The following PRPF18 variants were observed in gnomAD, a reference collection of about 807,000 sequenced individuals.
The protein encoded by PRPF18 is pre-mRNA-splicing factor 18.
Under a neutral mutation model 46.5 loss-of-function variants are expected in PRPF18, and 38 were observed. The ratio of observed to expected loss-of-function variants is 0.82; its 90% confidence interval spans 0.63 to 1.07. PRPF18 has a LOEUF of 1.07. Ranked by LOEUF, PRPF18 falls within the 50% of genes least tolerant of loss-of-function variation. The pLI is 0.00. For missense variants in PRPF18, 263 were observed against 410.0 expected, an observed-to-expected ratio of 0.64 and a Z score of 3.10; for synonymous variants, 152 against 146.7, an observed-to-expected ratio of 1.04 and a Z score of -0.26.
chr10:13,650,347 TCTGGGAAGG>T, the PRPF18 span, among the ~76,000 whole-genome samples: 1 of 152,150 alleles, frequency 6.6e-6, no homozygotes, highest in African/African-American at 2.4e-5. Context: ...TCTTACCTGG[TCTGGGAAGG>T]TGCTGTTGCT....
At chr10:13,613,025 C>T (rs991273220) in intron 6 of PRPF18, among the ~76,000 whole-genome samples, 1 of 152,148 alleles carries the variant, frequency 6.6e-6, no homozygotes, top group African/African-American at 2.4e-5. Flanking sequence ...TATTATTCAT[C>T]AAGATTCTGA....
At chr10:13,610,000 T>C in intron 4 of PRPF18, 39 bp from the exon 5 acceptor site, 1 of 1,539,350 alleles carries the variant, frequency 6.5e-7, no homozygotes, top group Non-Finnish European at 8.9e-7. Context: ...GTGTTCTTCC[T>C]TTCATAACAG....
chr10:13,644,277 G>A, the PRPF18 span: 5 of 152,270 alleles, frequency 3.3e-5, no homozygotes, highest in African/African-American at 7.2e-5. Context: ...CAAGGACTTC[G>A]TATTTCACCT....
At chr10:13,649,575 T>G in the PRPF18 span, 4 of 139,318 alleles carry the variant, frequency 2.9e-5, no homozygotes, top group Non-Finnish European at 4.4e-5. Context: ...TAAAGATGTA[T>G]TTTTTCCAAA....
chr10:13,649,370 T>C, the PRPF18 span: 1 of 126,926 alleles, frequency 7.9e-6, no homozygotes, highest in African/African-American at 2.7e-5. Flanking sequence ...TGGCCCATGG[T>C]GTTCTCCTGT....
chr10:13,591,457 G>A, intron 1 of PRPF18: 1 of 597,368 alleles, frequency 1.7e-6, no homozygotes, highest in Non-Finnish European at 3.0e-6. Context: ...CTTAAGAAAT[G>A]TAGAACACCA....
At position 13,587,138 on chromosome 10, in the gene PRPF18, A is replaced by G; in HGVS notation, c.52A>G (p.Arg18Gly). 6.2e-7 allele frequency: 1 copy of G among 1,613,910 alleles called. No homozygotes were observed. ...ILRKRQLVED[R>G]NLLVENKKYF... ...TCGGAAGCGGCAGCTGGTGGAGGAC[A>G]GGAACCTGCTGGTGGTGAGGACCCT... The change falls in exon 1 of 10, where the codon AGG (arginine) becomes GGG (glycine). Residue 18 changes from arginine (R) to glycine (G), a missense_variant. Arg to Gly is a moderately radical substitution (Grantham distance 125). Coordinates refer to ENST00000378572, the MANE Select transcript of PRPF18 (RefSeq NM_003675.4).
chr10:13,635,381 A>C (rs994127744), downstream of PRPF18, among the ~76,000 whole-genome samples: 1 of 152,126 alleles, frequency 6.6e-6, no homozygotes, highest in South Asian at 2.1e-4. Flanking sequence ...TTTATAATAG[A>C]ATGATTTATA....
At chr10:13,621,027 G>A (rs1045611593) in intron 9 of PRPF18, among the ~76,000 whole-genome samples, 1 of 152,110 alleles carries the variant, frequency 6.6e-6, no homozygotes, top group African/African-American at 2.4e-5. Flanking sequence ...CCAGACTTTG[G>A]GTAAAGCTTC....
chr10:13,624,887 G>A (rs768928105), intron 9 of PRPF18, among the ~76,000 whole-genome samples: 13 of 152,170 alleles, frequency 8.5e-5, no homozygotes, highest in African/African-American at 2.2e-4. Context: ...TCTATAGTGC[G>A]TTACTCATCA....
In PRPF18 at chr10:13,622,302, C is replaced by T. The variant is rs61301406; in HGVS notation, c.948+5749C>T. 1.3e-3 allele frequency among the ~76,000 whole-genome samples: 203 copies of T among 152,296 alleles called. 3 individuals are homozygous for T. In the East Asian group the frequency reaches 0.034, roughly 25 times the overall value. On this transcript the variant is annotated intron_variant, in intron 9 of 9. Transcript: ENST00000378572. ...AGTAATACCTTTTAATGTCATAGAA[C>T]ACTAGCGTGTTTTGGAAACAGATTT...
At chr10:13,587,290 A>G (rs2079888100) in intron 1 of PRPF18, 138 bp downstream of exon 1, 1 of 886,552 alleles carries the variant, frequency 1.1e-6, no homozygotes, top group Admixed American at 1.9e-5. Context: ...TACCCCTGGT[A>G]GGCCCCCTTA....
At chr10:13,602,473 T>A in intron 3 of PRPF18, among the ~76,000 whole-genome samples, 1 of 151,882 alleles carries the variant, frequency 6.6e-6, no homozygotes, top group East Asian at 1.9e-4. Flanking sequence ...GCAGAAGTTT[T>A]ACATTTTTAT....
chr10:13,629,607 C>A (rs907020510), intron 9 of PRPF18, among the ~76,000 whole-genome samples: 1 of 152,156 alleles, frequency 6.6e-6, no homozygotes, highest in African/African-American at 2.4e-5. Context: ...CTAAGTAATA[C>A]ATTTTTTACT....
At chr10:13,587,268 G>T in intron 1 of PRPF18, 116 bp downstream of exon 1, 3 of 1,138,228 alleles carry the variant, frequency 2.6e-6, no homozygotes, top group Non-Finnish European at 3.9e-6. Flanking sequence ...GGCTTAGCGA[G>T]TGTCCTGCCA....
chr10:13,651,947 C>G, the PRPF18 span: 1 of 1,599,704 alleles, frequency 6.3e-7, no homozygotes, highest in South Asian at 1.1e-5. Flanking sequence ...CAGACCCATC[C>G]AGAATGGGTG....
chr10:13,633,964 G>C (rs896655860), downstream of PRPF18, among the ~76,000 whole-genome samples: 1 of 152,146 alleles, frequency 6.6e-6, no homozygotes, highest in Non-Finnish European at 1.5e-5. Flanking sequence ...TCCATTGGCT[G>C]AACTATAACC....
chr10:13,645,868 A>G, the PRPF18 span: 1 of 152,794 alleles, frequency 6.5e-6, no homozygotes, highest in East Asian at 1.9e-4. Context: ...GGTTTCCCAT[A>G]AAAACGAAAA....
chr10:13,589,914 C>T (rs893092008), intron 1 of PRPF18, among the ~76,000 whole-genome samples: 5 of 151,908 alleles, frequency 3.3e-5, no homozygotes, highest in Non-Finnish European at 5.9e-5. Context: ...ACTGCAGGGA[C>T]CTTTTGATGA....
Sources: gnomAD v4.1 joint callset for allele counts (sites outside exome capture counted in the v4.1 genomes callset) on GRCh38, gnomAD v4.1.1 for gene constraint, MANE v1.5 for transcripts, NCBI Gene and HGNC (gene_info 2026-07-23, HGNC 2026-07-21) for gene names.